The following AOC3 variants were observed in gnomAD, a reference collection of about 807,000 sequenced individuals.
AOC3 encodes the protein amine oxidase copper containing 3.
A neutral mutation model predicts 55.4 loss-of-function variants in AOC3; 47 were observed. The observed-to-expected ratio is 0.85, with a 90% CI of 0.67 to 1.08. AOC3 has a LOEUF of 1.08. Among genes scored for constraint, AOC3 ranks in the 50% least tolerant of loss-of-function variants. The pLI is 0.00. For missense variants in AOC3, 853 were observed against 993.1 expected, an observed-to-expected ratio of 0.86 and a Z score of 1.90; for synonymous variants, 386 against 410.7, an observed-to-expected ratio of 0.94 and a Z score of 0.73.
At position 42,856,188 on chromosome 17, in the gene AOC3, G is replaced by A. The variant is rs571655414; in HGVS notation, c.2017-87G>A. On this transcript the variant is annotated intron_variant, in intron 3 of 3. Coordinates refer to ENST00000308423, the MANE Select transcript of AOC3 (RefSeq NM_003734.4). ...CAGGAAAAAATGTTTAAAGACTCATGATCCTTGGGCTGGTGAGCTGAATCC... is the reference window on the plus strand; with the variant it reads ...CAGGAAAAAATGTTTAAAGACTCATAATCCTTGGGCTGGTGAGCTGAATCC... 1.8e-5 allele frequency: 27 copies of A among 1,513,328 alleles called. No homozygotes were observed. The African/African-American group carries it at 3.2e-4, about 18-fold the overall frequency. 93.7% of individuals were successfully genotyped at this position (1,513,328 alleles called of 1,614,324 possible). A position where few individuals can be genotyped will look rare whatever the true frequency, so the allele number is the denominator to read the frequency against.
Position 42,856,359 on chromosome 17 carries a change from G to T in AOC3, c.2101G>T (p.Val701Leu), listed in dbSNP as rs753321827. ...TAACACAGTGACTGTGGGGAACGGC[G>T]TGGGCTTCTTCCTCCGACCCTATAA... ...IPNTVTVGNG[V>L]GFFLRPYNFF... The change falls in exon 4 of 4, where the codon GTG becomes TTG. Residue 701 changes from valine (V) to leucine (L), a missense_variant. Transcript: ENST00000308423. The T allele has an allele frequency of 6.2e-7, 1 of 1,614,070 alleles. No homozygotes were observed.
In AOC3 at chr17:42,855,549, C is replaced by A; in HGVS notation, c.1992C>A (p.Ile664=). The A allele has an allele frequency of 6.2e-7, 1 of 1,614,140 alleles. No homozygotes were observed. The highest frequency in any genetic ancestry group is 8.5e-7 in the Non-Finnish European group (1 of 1,180,020). The change falls in exon 3 of 4, where the codon ATC becomes ATA. Residue 664 remains isoleucine (I), a synonymous_variant. Transcript: ENST00000308423. ...CCACTGTGGATTTCAGTGACTTCAT[C>A]AACAATGAGACCATTGCTGGAAAGG... ...WAPTVDFSDF[I]NNETIAGKDL...
Position 42,852,732 on chromosome 17 carries a change from A to T in AOC3, c.1389A>T (p.Arg463Ser), listed in dbSNP as rs1388202538. The change falls in exon 1 of 4, where the codon AGA becomes AGT. Residue 463 changes from arginine to serine, a missense_variant. Transcript: ENST00000308423. ...TTGCGGAAACGGTGCTGGTCGTCAG[A>T]TCTATGTCCACCTTGCTCAACTATG... is the stretch of plus-strand genomic sequence containing the variant. ...GGLAETVLVVRSMSTLLNYDY... is the reference protein window; with the variant it reads ...GGLAETVLVVSSMSTLLNYDY... 6 of 1,614,108 alleles carry T rather than the reference A, an allele frequency of 3.7e-6. No homozygotes were observed. Among genetic ancestry groups the T allele is most frequent in the Non-Finnish European group, 5.1e-6 (6 of 1,180,048 alleles).
Position 42,855,336 on chromosome 17 carries a change from G to A in AOC3, c.1887-108G>A. 6.2e-6 allele frequency: 9 copies of A among 1,447,234 alleles called. No homozygotes were observed. The South Asian group carries it at 1.2e-4, about 19-fold the overall frequency. 89.6% of individuals were successfully genotyped at this position (1,447,234 alleles called of 1,614,324 possible). ...GATTCTGTAGCGCCGAGTCAGTTGT[G>A]TGACTGCAATTGGGGAAGCTGAGCT... On this transcript the variant is annotated intron_variant, in intron 2 of 3. Transcript: ENST00000308423.
In AOC3 at chr17:42,852,383, C is replaced by T; in HGVS notation, c.1040C>T (p.Pro347Leu). 1 of 1,614,130 alleles carries T rather than the reference C, an allele frequency of 6.2e-7. No individual in the cohort carries two copies. ...FSFGLGAFSG[P>L]RIFDVRFQGE... ...TTTGGCCTCGGAGCATTCAGTGGCC[C>T]AAGGATCTTTGACGTTCGCTTCCAA... Residue 347 changes from proline (P) to leucine (L), a missense_variant, in exon 1 of 4, where the codon CCA (proline) becomes CTA (leucine). Physicochemically the swap from Pro to Leu is moderately conservative, Grantham distance 98 (BLOSUM62 -3). Coordinates refer to ENST00000308423, the MANE Select transcript of AOC3 (RefSeq NM_003734.4).
Position 42,851,477 on chromosome 17 carries a change from C to T in AOC3, c.134C>T (p.Ser45Phe). Residue 45 changes from serine to phenylalanine, a missense_variant, in exon 1 of 4, where the codon TCT (serine) becomes TTT (phenylalanine). Ser to Phe is a radical substitution (Grantham distance 155). Coordinates refer to ENST00000308423, the MANE Select transcript of AOC3 (RefSeq NM_003734.4). ...CAGCTTCCCCATTGCCCCTCTGTAT[C>T]TCCCAGTGCCCAGCCTTGGACACAC... ...PSQLPHCPSV[S>F]PSAQPWTHPG... 2 of 1,614,256 alleles carry T rather than the reference C, an allele frequency of 1.2e-6. No homozygotes were observed. The highest frequency in any genetic ancestry group is 1.1e-5 in the South Asian group (1 of 91,086).
rs2055678745 is a variant in AOC3 at position 42,852,124 on chromosome 17, A to C, written c.781A>C (p.Ile261Leu). ...GGCCCTTGACCCTGCCCGCTGGACT[A>C]TCCAGAAGGTGTTCTATCAAGGCCG... is the stretch of plus-strand genomic sequence containing the variant. ...HKALDPARWTIQKVFYQGRYY... is the reference protein window; with the variant it reads ...HKALDPARWTLQKVFYQGRYY... Residue 261 changes from isoleucine to leucine, a missense_variant, in exon 1 of 4, where the codon ATC becomes CTC. Physicochemically the swap from Ile to Leu is conservative, Grantham distance 5. Transcript: ENST00000308423. The C allele has an allele frequency of 6.2e-7, 1 of 1,613,760 alleles. No individual in the cohort carries two copies. The highest frequency in any genetic ancestry group is 1.7e-5 in the Admixed American group (1 of 59,998).
intron 2 of AOC3, 121 bp downstream of exon 2, chr17:42,854,854 T>C: frequency 1.4e-4 from 114 of 788,522 alleles, no homozygotes; most frequent in African/African-American, 1.0e-3. Context: ...TCTTTTCCTT[T>C]TTTTTTTTTT....
Position 42,854,470 on chromosome 17 carries a change from C to A in AOC3, c.1623C>A (p.Ala541=). Residue 541 remains alanine, a synonymous_variant, in exon 2 of 4, where the codon GCC becomes GCA. Coordinates refer to ENST00000308423, the MANE Select transcript of AOC3 (RefSeq NM_003734.4). ...DVAGLENWVW[A]EDMVFVPMAV... ...CAGGACTGGAGAACTGGGTCTGGGCCGAGGATATGGTCTTTGTCCCCATGG... is the reference window on the plus strand; with the variant it reads ...CAGGACTGGAGAACTGGGTCTGGGCAGAGGATATGGTCTTTGTCCCCATGG... The A allele has an allele frequency of 2.6e-6, 4 of 1,560,402 alleles. No homozygotes were observed. Among genetic ancestry groups the A allele is most frequent in the Non-Finnish European group, 3.5e-6 (4 of 1,148,938 alleles).
rs1355317319 is a variant in AOC3, at chr17:42,857,458, A to G, written c.*908A>G. 6.6e-6 allele frequency: 1 copy of G among 152,396 alleles called. No individual in the cohort carries two copies. The highest frequency in any genetic ancestry group is 1.5e-5 in the Non-Finnish European group (1 of 68,050). 9.4% of individuals were successfully genotyped at this position (152,396 alleles called of 1,614,324 possible). On this transcript the variant is annotated 3_prime_UTR_variant, in exon 4 of 4. Transcript: ENST00000308423. ...TTGTACCAGGGCTCTGTATTCTGCA[A>G]CAGCCTGTTTGGGAGGCTGGAGTGG...
intron 3 of AOC3, 100 bp downstream of exon 3, chr17:42,855,673 C>A: frequency 1.3e-6 from 2 of 1,490,576 alleles, no homozygotes; most frequent in Non-Finnish European, 1.8e-6. Flanking sequence ...CTGATTCCTG[C>A]CTTCTGCACT....
intron 2 of AOC3, 91 bp downstream of exon 2, chr17:42,854,824 A>T: frequency 7.5e-6 from 8 of 1,063,980 alleles, no homozygotes; most frequent in South Asian, 3.2e-5. Context: ...GTGAGGGGAG[A>T]GCTCTCTCAG....
intron 1 of AOC3, chr17:42,853,429 C>T (rs1597968529): frequency 1.0e-6 from 1 of 993,086 alleles, no homozygotes; most frequent in African/African-American, 1.7e-5. Flanking sequence ...TTCCTTCTTT[C>T]TCTGGGCACA....
At position 42,852,269 on chromosome 17, in the gene AOC3, G is replaced by A. The variant is rs770254576; in HGVS notation, c.926G>A (p.Gly309Asp). Reference protein sequence around the residue: ...SWSLKSPVPPGPAPPLQFYPQ... With the variant: ...SWSLKSPVPPDPAPPLQFYPQ... ...TCCCTGAAGTCCCCTGTGCCCCCGG[G>A]TCCAGCTCCCCCTCTACAGTTCTAT... Residue 309 changes from glycine to aspartate, a missense_variant, in exon 1 of 4, where the codon GGT becomes GAT. Transcript: ENST00000308423. The A allele has an allele frequency of 1.9e-6, 3 of 1,613,860 alleles. No individual in the cohort carries two copies. The highest frequency in any genetic ancestry group is 1.7e-6 in the Non-Finnish European group (2 of 1,180,016).
In AOC3 at chr17:42,852,420, A is replaced by C; in HGVS notation, c.1077A>C (p.Leu359=). ...ACGTTCGCTTCCAAGGAGAAAGACTAGTTTATGAGATAAGCCTCCAAGAGG... is the reference window on the plus strand; with the variant it reads ...ACGTTCGCTTCCAAGGAGAAAGACTCGTTTATGAGATAAGCCTCCAAGAGG... ...IFDVRFQGER[L]VYEISLQEAL... Residue 359 remains leucine, a synonymous_variant, in exon 1 of 4, where the codon CTA becomes CTC. Transcript: ENST00000308423. The C allele has an allele frequency of 6.2e-7, 1 of 1,614,174 alleles. No individual in the cohort carries two copies. Among genetic ancestry groups the C allele is most frequent in the South Asian group, 1.1e-5 (1 of 91,082 alleles).
Position 42,851,800 on chromosome 17 carries a change from C to G in AOC3, c.457C>G (p.Arg153Gly). The change falls in exon 1 of 4, where the codon CGG becomes GGG. Residue 153 changes from arginine to glycine, a missense_variant. Transcript: ENST00000308423. Reference protein sequence around the residue: ...VGPLPHPSYMRDVTVERHGGP... With the variant: ...VGPLPHPSYMGDVTVERHGGP... ...GCCACTGCCTCACCCCTCCTACATG[C>G]GGGACGTGACTGTGGAGCGTCATGG... The G allele has an allele frequency of 6.2e-7, 1 of 1,613,460 alleles. No individual in the cohort carries two copies. The highest frequency in any genetic ancestry group is 8.5e-7 in the Non-Finnish European group (1 of 1,180,026).
Position 42,854,603 on chromosome 17 carries a change from T to C in AOC3, c.1756T>C (p.Tyr586His). Reference sequence around the variant, plus strand: ...CCTCGTGGGAAGCGCCACCCCTCGCTACCTGTACCTGGCCAGCAACCACAG... The same window carrying C: ...CCTCGTGGGAAGCGCCACCCCTCGCCACCTGTACCTGGCCAGCAACCACAG... ...AFLVGSATPR[Y>H]LYLASNHSNK... Residue 586 changes from tyrosine to histidine, a missense_variant, in exon 2 of 4, where the codon TAC becomes CAC. By Grantham distance (83) the Tyr-to-His change is moderately conservative. Transcript: ENST00000308423. 1 of 1,604,420 alleles carries C rather than the reference T, an allele frequency of 6.2e-7. No individual in the cohort carries two copies. The highest frequency in any genetic ancestry group is 8.5e-7 in the Non-Finnish European group (1 of 1,174,926).
In AOC3 at chr17:42,851,501, A is replaced by T. The variant is rs755625394; in HGVS notation, c.158A>T (p.His53Leu). 1.2e-6 allele frequency: 2 copies of T among 1,614,124 alleles called. No individual in the cohort carries two copies. The highest frequency in any genetic ancestry group is 1.7e-6 in the Non-Finnish European group (2 of 1,180,014). ...SVSPSAQPWT[H>L]PGQSQLFADL... ...TCTCCCAGTGCCCAGCCTTGGACAC[A>T]CCCTGGCCAGAGCCAGCTGTTTGCA... The change falls in exon 1 of 4, where the codon CAC becomes CTC. Residue 53 changes from histidine (H) to leucine (L), a missense_variant. Physicochemically the swap from His to Leu is moderately conservative, Grantham distance 99. Coordinates refer to ENST00000308423, the MANE Select transcript of AOC3 (RefSeq NM_003734.4).
At chr17:42,854,899 C>T (rs1469962278) in intron 2 of AOC3, among the ~76,000 whole-genome samples, 166 bp downstream of exon 2, 4 of 150,140 alleles carry the variant, frequency 2.7e-5, no homozygotes, top group East Asian at 1.9e-4. Context: ...TTGCCCAGGC[C>T]GGAGTGCAGT....
Sources: allele counts gnomAD v4.1 joint callset (sites outside exome capture counted in the v4.1 genomes callset), GRCh38; gene constraint gnomAD v4.1.1; transcripts MANE v1.5; gene names NCBI Gene and HGNC (gene_info 2026-07-23, HGNC 2026-07-21).